The following ESRRB variants were observed in gnomAD, a reference collection of about 807,000 sequenced individuals.
ESRRB encodes the protein estrogen related receptor beta.
A neutral mutation model predicts 46.0 loss-of-function variants in ESRRB; 16 were observed. The observed-to-expected ratio is 0.35, with a 90% CI of 0.24 to 0.53. ESRRB has a LOEUF of 0.53. Ranked by LOEUF, ESRRB falls within the 20% of genes least tolerant of loss-of-function variation. ESRRB has a pLI of 0.93. For missense variants in ESRRB, 488 were observed against 607.4 expected (o/e 0.80, Z 2.07); for synonymous variants, 246 against 259.6 (o/e 0.95, Z 0.50).
intron 1 of ESRRB, among the ~76,000 whole-genome samples, chr14:76,427,201 C>A (rs1887240341): frequency 6.6e-6 from 1 of 152,198 alleles, no homozygotes; most frequent in Non-Finnish European, 1.5e-5. Flanking sequence ...CCTGGAGAGG[C>A]AGCCCTGACA....
intron 1 of ESRRB, among the ~76,000 whole-genome samples, chr14:76,428,179 G>A (rs564224460): frequency 5.3e-5 from 8 of 152,076 alleles, no homozygotes; most frequent in African/African-American, 1.7e-4. Flanking sequence ...TGTATTTTTC[G>A]TAGAGACGGG....
intron 5 of ESRRB, among the ~76,000 whole-genome samples, chr14:76,485,979 C>T (rs1054944787): frequency 4.6e-5 from 7 of 151,448 alleles, no homozygotes; most frequent in Admixed American, 4.0e-4. Context: ...CCATTTGGAA[C>T]AAGGCTGACA....
At position 76,479,537 on chromosome 14, in the gene ESRRB, C is replaced by G. The variant is rs74385531; in HGVS notation, c.578-2479C>G. On this transcript the variant is annotated intron_variant, in intron 3 of 6. Coordinates refer to ENST00000644823, the MANE Select transcript of ESRRB (RefSeq NM_001379180.1). ...AGGCAGAAGGGGAGTTTATTGGAAG[C>G]CTATCAGGAGGTTCAAAGAGTACAT... Among the ~76,000 whole-genome samples, 612 of 152,264 alleles carry G rather than the reference C, an allele frequency of 4.0e-3. 13 individuals are homozygous for G. The highest frequency in any genetic ancestry group is 0.031 in the Admixed American group (472 of 15,278).
chr14:76,377,783 C>A (rs1305534862), intron 1 of ESRRB, among the ~76,000 whole-genome samples: 3 of 152,144 alleles, frequency 2.0e-5, no homozygotes, highest in African/African-American at 4.8e-5. Context: ...CCACGGTGCA[C>A]CCCGCTTGAG....
intron 1 of ESRRB, among the ~76,000 whole-genome samples, chr14:76,390,965 G>A (rs1885444372): frequency 6.6e-6 from 1 of 152,240 alleles, no homozygotes; most frequent in Admixed American, 6.5e-5. Flanking sequence ...GGCTCTGTGT[G>A]TGGCTGCAGC....
chr14:76,391,968 C>T (rs1180992125), intron 1 of ESRRB, among the ~76,000 whole-genome samples: 1 of 152,220 alleles, frequency 6.6e-6, no homozygotes, highest in South Asian at 2.1e-4. Flanking sequence ...GAGCAACTTC[C>T]TGTCTAACCT....
chr14:76,486,512 A>G (rs1890025498), intron 5 of ESRRB, among the ~76,000 whole-genome samples: 1 of 151,808 alleles, frequency 6.6e-6, no homozygotes, highest in African/African-American at 2.4e-5. Flanking sequence ...GACAGAAACG[A>G]TCATAAATTA....
chr14:76,358,557 T>C (rs1424451972), intron 1 of ESRRB, among the ~76,000 whole-genome samples: 1 of 151,904 alleles, frequency 6.6e-6, no homozygotes, highest in Non-Finnish European at 1.5e-5. Flanking sequence ...TTCAGTTAAC[T>C]GTATGCTTAG....
intron 1 of ESRRB, among the ~76,000 whole-genome samples, chr14:76,391,053 G>T (rs140822294): frequency 6.6e-6 from 1 of 152,212 alleles, no homozygotes; most frequent in African/African-American, 2.4e-5. Context: ...ATGAAAGCAA[G>T]GGCTCCTCTG....
intron 1 of ESRRB, among the ~76,000 whole-genome samples, chr14:76,331,642 A>G (rs1435982153): frequency 2.0e-5 from 3 of 152,142 alleles, no homozygotes; most frequent in African/African-American, 7.2e-5. Context: ...AGCTGGGGAT[A>G]TGCAGCTGCC....
chr14:76,455,989 G>C (rs1200763487), intron 2 of ESRRB, among the ~76,000 whole-genome samples: 5 of 150,958 alleles, frequency 3.3e-5, no homozygotes, highest in African/African-American at 1.2e-4. Flanking sequence ...GTTGCAGTGA[G>C]CCAAGATCAC....
chr14:76,430,892 T>C (rs1187178290), intron 1 of ESRRB, among the ~76,000 whole-genome samples: 2 of 152,210 alleles, frequency 1.3e-5, no homozygotes, highest in Non-Finnish European at 2.9e-5. Flanking sequence ...TTCTACCCCA[T>C]AGAGGAAAGC....
intron 1 of ESRRB, among the ~76,000 whole-genome samples, chr14:76,332,372 C>G (rs2139738116): frequency 7.0e-6 from 1 of 143,140 alleles, no homozygotes; most frequent in African/African-American, 2.6e-5. Flanking sequence ...AATCAAAGCT[C>G]ACTGCAGCCT....
chr14:76,396,263 A>G (rs925397212), intron 1 of ESRRB, among the ~76,000 whole-genome samples: 1 of 152,232 alleles, frequency 6.6e-6, no homozygotes, highest in Non-Finnish European at 1.5e-5. Context: ...GGCAACATAG[A>G]GTTGAGTAAA....
chr14:76,449,548 T>G (rs2139958059), intron 2 of ESRRB, among the ~76,000 whole-genome samples: 1 of 149,950 alleles, frequency 6.7e-6, no homozygotes, highest in African/African-American at 2.5e-5. Flanking sequence ...AGACTCAGTC[T>G]CAAAAAAAAA....
intron 5 of ESRRB, among the ~76,000 whole-genome samples, chr14:76,490,539 G>C (rs181667617): frequency 6.6e-5 from 10 of 152,324 alleles, no homozygotes; most frequent in Admixed American, 5.9e-4. Context: ...TCCTAGATGA[G>C]GAAGCTAAGG....
At chr14:76,462,435 G>C (rs1430450235) in intron 2 of ESRRB, 110 bp from the exon 3 acceptor site, 4 of 771,564 alleles carry the variant, frequency 5.2e-6, no homozygotes, top group Admixed American at 2.0e-5. Flanking sequence ...GAACACTAGG[G>C]GGGAGTGGCA....
chr14:76,434,761 G>T (rs1464501945), intron 1 of ESRRB, among the ~76,000 whole-genome samples: 1 of 152,180 alleles, frequency 6.6e-6, no homozygotes, highest in Non-Finnish European at 1.5e-5. Context: ...GCATTTTGGG[G>T]GATTGGAAAG....
intron 1 of ESRRB, among the ~76,000 whole-genome samples, chr14:76,361,024 T>C (rs1427715776): frequency 9.2e-5 from 14 of 152,246 alleles, no homozygotes; most frequent in African/African-American, 3.4e-4. Context: ...AACACATGGC[T>C]TCCACCCTGG....
Sources: gnomAD v4.1 joint callset for allele counts (sites outside exome capture counted in the v4.1 genomes callset) on GRCh38, gnomAD v4.1.1 for gene constraint, MANE v1.5 for transcripts, NCBI Gene and HGNC (gene_info 2026-07-23, HGNC 2026-07-21) for gene names.